STK3: variants seen among roughly 807,000 people sequenced by gnomAD.
STK3 encodes the protein serine/threonine kinase 3, also known as serine/threonine-protein kinase 3.
A neutral mutation model predicts 58.0 loss-of-function variants in STK3; 41 were observed. The observed-to-expected ratio is 0.71, with a 90% CI of 0.55 to 0.92. The LOEUF (loss-of-function observed/expected upper bound fraction) is 0.92. STK3 is among the 40% of genes least tolerant of loss of function. The pLI, the probability that STK3 is intolerant of heterozygous loss-of-function variation, is 0.00. For synonymous variants in STK3, 170 were observed against 191.0 expected, an observed-to-expected ratio of 0.89 and a Z score of 0.91; for missense variants, 479 against 602.7, an observed-to-expected ratio of 0.79 and a Z score of 2.15.
chr8:98,537,435 G>A (rs1809856952), intron 9 of STK3, among the ~76,000 whole-genome samples: 1 of 152,106 alleles, frequency 6.6e-6, no homozygotes, highest in Non-Finnish European at 1.5e-5. Context: ...TGAGTCTCCA[G>A]GGAGATACAT....
At chr8:98,408,611 C>T (rs1175417846) in intron 3 of STK3, among the ~76,000 whole-genome samples, 8 of 152,168 alleles carry the variant, frequency 5.3e-5, no homozygotes, top group Non-Finnish European at 8.8e-5. Context: ...ACTCTTAAAG[C>T]GTTTAAGAGA....
chr8:98,906,989 T>TTAAAAAAAAAAAAAAAAAAAAAAA (rs1838930277), intron 1 of STK3, among the ~76,000 whole-genome samples: 1 of 94,784 alleles, frequency 1.1e-5, no homozygotes, highest in African/African-American at 4.2e-5. Context: ...TCTCTACCAA[T>TTAAAAAAAAAAAAAAAAAAAAAAA]AAAAAAAAAA....
chr8:98,413,435 G>A (rs530058883), intron 3 of STK3: 1 of 574,906 alleles, frequency 1.7e-6, no homozygotes, highest in Non-Finnish European at 3.4e-6. Flanking sequence ...CTTTCCTGGG[G>A]TCCAGAGTCT....
chr8:98,581,726 C>G (rs1813901657), intron 7 of STK3, among the ~76,000 whole-genome samples: 1 of 151,652 alleles, frequency 6.6e-6, no homozygotes, highest in Non-Finnish European at 1.5e-5. Flanking sequence ...CTCCACTACC[C>G]AGTGTGGGAT....
chr8:98,642,090 G>A (rs1820066211), intron 6 of STK3, among the ~76,000 whole-genome samples: 1 of 152,072 alleles, frequency 6.6e-6, no homozygotes, highest in African/African-American at 2.4e-5. Context: ...CACTTTCTAG[G>A]TTAACCGTGG....
At chr8:98,913,265 T>A (rs976689937) in intron 1 of STK3, among the ~76,000 whole-genome samples, 4 of 152,198 alleles carry the variant, frequency 2.6e-5, no homozygotes, top group African/African-American at 9.7e-5. Flanking sequence ...TAAAAATGAC[T>A]TGCAAATTAA....
intron 6 of STK3, among the ~76,000 whole-genome samples, chr8:98,680,980 TC>T (rs377063966): frequency 3.6e-5 from 5 of 138,040 alleles, no homozygotes; most frequent in African/African-American, 1.3e-4. Flanking sequence ...ACCCCACCTT[TC>T]TTTTTTTTTT....
chr8:98,653,537 T>A (rs1399746122), intron 6 of STK3, among the ~76,000 whole-genome samples: 1 of 152,046 alleles, frequency 6.6e-6, no homozygotes, highest in Non-Finnish European at 1.5e-5. Flanking sequence ...AATTAATGAA[T>A]TCAGGAGCTG....
intron 1 of STK3, among the ~76,000 whole-genome samples, chr8:98,924,203 C>G (rs1380474505): frequency 6.6e-6 from 1 of 152,228 alleles, no homozygotes; most frequent in Non-Finnish European, 1.5e-5. Flanking sequence ...TTTCTTCACA[C>G]TGCAGTTTAG....
At chr8:98,516,823 C>A (rs781300868) in intron 10 of STK3, among the ~76,000 whole-genome samples, 47 of 152,018 alleles carry the variant, frequency 3.1e-4, no homozygotes, top group Admixed American at 7.2e-4. Flanking sequence ...CTAGTTAGTA[C>A]AAGAATATGG....
chr8:98,572,526 T>A (rs1179916324), intron 8 of STK3, among the ~76,000 whole-genome samples: 1 of 152,202 alleles, frequency 6.6e-6, no homozygotes, highest in African/African-American at 2.4e-5. Flanking sequence ...CCCAAAGGAA[T>A]AAATGATATA....
chr8:98,513,180 A>C (rs748974261), intron 10 of STK3, among the ~76,000 whole-genome samples: 1 of 152,146 alleles, frequency 6.6e-6, no homozygotes, highest in African/African-American at 2.4e-5. Flanking sequence ...ATAATGTACA[A>C]GCACCACCTA....
At chr8:98,424,250 A>G (rs936860171) in intron 3 of STK3, among the ~76,000 whole-genome samples, 3 of 152,244 alleles carry the variant, frequency 2.0e-5, no homozygotes, top group African/African-American at 7.2e-5. Flanking sequence ...TTCTCCCTGC[A>G]GGCTCCAAGT....
At position 98,706,472 on chromosome 8, in the gene STK3, T is replaced by C. The variant is rs1825969549; in HGVS notation, c.679A>G (p.Met227Val). 1 of 1,609,110 alleles carries C rather than the reference T, an allele frequency of 6.2e-7. No homozygotes were observed. Among genetic ancestry groups the C allele is most frequent in the Non-Finnish European group, 8.5e-7 (1 of 1,178,440 alleles). Residue 227 changes from methionine to valine, a missense_variant, in exon 6 of 11, where the codon ATG becomes GTG. Transcript: ENST00000419617. ...GCAAACCATAATTTTCTTACCCTCA[T>C]TGGATGTATATCAGCATAAGGAGGT... ...GKPPYADIHP[M>V]RAIFMIPTNP...
rs1051441301 is a variant in STK3, at chr8:98,800,143, A to G, written c.27-25324T>C. ...GCCGCTACTCGCCTTTGGACCCTAT[A>G]TTTTTAACCTCCTTGTTTTGTTTCC... On this transcript the variant is annotated intron_variant, in intron 1 of 10. Transcript: ENST00000419617. The surrounding 1 kb of genome is among the most constrained non-coding windows in gnomAD (Gnocchi z 4.8). Among the ~76,000 whole-genome samples the G allele has an allele frequency of 2.0e-5, 3 of 152,090 alleles. No individual in the cohort carries two copies. Among genetic ancestry groups the G allele is most frequent in the African/African-American group, 7.2e-5 (3 of 41,402 alleles).
chr8:98,639,108 C>T (rs1408937541), intron 6 of STK3, among the ~76,000 whole-genome samples: 3 of 149,670 alleles, frequency 2.0e-5, no homozygotes, highest in East Asian at 3.9e-4. Flanking sequence ...TAAGGAGATA[C>T]ACTTTTTTTT....
intron 8 of STK3, among the ~76,000 whole-genome samples, chr8:98,552,797 C>G (rs763497324): frequency 3.0e-4 from 45 of 152,136 alleles, no homozygotes; most frequent in Middle Eastern, 3.4e-3. Flanking sequence ...ACCTAGCATA[C>G]AGTAGGTACT....
intron 6 of STK3, among the ~76,000 whole-genome samples, chr8:98,678,459 G>A (rs1168874354): frequency 6.6e-6 from 1 of 151,860 alleles, no homozygotes; most frequent in Admixed American, 6.6e-5. Context: ...TTAAACTTTA[G>A]GATTAATGAC....
intron 7 of STK3, among the ~76,000 whole-genome samples, chr8:98,585,937 C>G (rs1283413228): frequency 6.6e-6 from 1 of 152,002 alleles, no homozygotes; most frequent in Non-Finnish European, 1.5e-5. Flanking sequence ...GATTTTTGCA[C>G]ATTGATTTTG....
Sources: gnomAD v4.1 joint callset for allele counts (sites outside exome capture counted in the v4.1 genomes callset) on GRCh38, gnomAD v4.1.1 for gene constraint, Gnocchi (gnomAD v3.1) non-coding constraint, MANE v1.5 for transcripts, NCBI Gene and HGNC (gene_info 2026-07-23, HGNC 2026-07-21) for gene names.